Variants in GPC5 observed in about 807,000 individuals in gnomAD.
GPC5 encodes the protein glypican 5, also known as glypican-5.
In GPC5, 47 loss-of-function variants were observed where a neutral mutation model predicts 53.9. That is an observed-to-expected ratio of 0.87 (90% confidence interval 0.69 to 1.11). The LOEUF (loss-of-function observed/expected upper bound fraction) is 1.11, where lower values mean the gene tolerates loss of function less well. Ranked by LOEUF, GPC5 falls within the 50% of genes most tolerant of loss-of-function variation. The pLI is 0.00. For synonymous variants in GPC5, 286 were observed against 263.3 expected (o/e 1.09, Z -0.84); for missense variants, 748 against 713.1 (o/e 1.05, Z -0.56).
At chr13:92,544,385 T>C (rs1419237199) in intron 7 of GPC5, among the ~76,000 whole-genome samples, 1 of 152,202 alleles carries the variant, frequency 6.6e-6, no homozygotes. Context: ...TGGGGAATTG[T>C]CTCATAAAAA....
intron 6 of GPC5, among the ~76,000 whole-genome samples, chr13:92,089,501 AC>A (rs1483537774): frequency 7.8e-6 from 1 of 127,908 alleles, no homozygotes; most frequent in Admixed American, 8.7e-5. Flanking sequence ...TATTTCCCAC[AC>A]GGTTTTTTTA....
At chr13:91,745,495 C>T (rs1320831096) in intron 4 of GPC5, among the ~76,000 whole-genome samples, 2 of 152,020 alleles carry the variant, frequency 1.3e-5, no homozygotes, top group Non-Finnish European at 2.9e-5. Context: ...CCCTGTTGCT[C>T]CCCAACCTAC....
intron 7 of GPC5, among the ~76,000 whole-genome samples, chr13:92,720,741 T>G (rs1348359791): frequency 6.6e-6 from 1 of 152,110 alleles, no homozygotes; most frequent in Non-Finnish European, 1.5e-5. Context: ...TAGGGAAAAT[T>G]TTGAAATGTG....
At chr13:92,178,665 T>C (rs1188562908) in intron 7 of GPC5, among the ~76,000 whole-genome samples, 1 of 152,120 alleles carries the variant, frequency 6.6e-6, no homozygotes, top group Non-Finnish European at 1.5e-5. Flanking sequence ...ATAGGAATTT[T>C]AACATTTTCT....
intron 6 of GPC5, among the ~76,000 whole-genome samples, chr13:92,000,210 G>A (rs2040542187): frequency 2.0e-5 from 3 of 151,986 alleles, no homozygotes; most frequent in Admixed American, 1.3e-4. Flanking sequence ...CATATGCTTA[G>A]ACCAAAAGAG....
Position 92,253,940 on chromosome 13 carries a change from G to T in GPC5, c.1561+108951G>T, listed in dbSNP as rs1406754267. ...ACTGGAATGTCTATAGAGTGTCAGG[G>T]AACCACAACGGGTTCTATAGGAACT... is the stretch of plus-strand genomic sequence containing the variant. On this transcript the variant is annotated intron_variant, in intron 7 of 7. Transcript: ENST00000377067. Among the ~76,000 whole-genome samples, 3 of 152,066 alleles carry T rather than the reference G, an allele frequency of 2.0e-5. No homozygotes were observed. In the East Asian group the frequency reaches 5.8e-4, roughly 29 times the overall value.
intron 6 of GPC5, among the ~76,000 whole-genome samples, chr13:91,919,866 A>G (rs2039694395): frequency 6.6e-6 from 1 of 152,208 alleles, no homozygotes; most frequent in African/African-American, 2.4e-5. Flanking sequence ...GAATGCTGGC[A>G]TGCCAGTACA....
intron 4 of GPC5, among the ~76,000 whole-genome samples, chr13:91,732,471 T>C (rs540621861): frequency 5.3e-5 from 8 of 152,250 alleles, no homozygotes; most frequent in Admixed American, 3.3e-4. Flanking sequence ...ATTCTGTAAG[T>C]TGCCTTTTCA....
At chr13:91,578,328 A>G (rs778509381) in intron 2 of GPC5, among the ~76,000 whole-genome samples, 2 of 152,212 alleles carry the variant, frequency 1.3e-5, no homozygotes, top group African/African-American at 2.4e-5. Context: ...GCTGTGAGAT[A>G]ATATATATTC....
At chr13:91,810,630 T>C (rs1180496499) in intron 5 of GPC5, among the ~76,000 whole-genome samples, 2 of 151,944 alleles carry the variant, frequency 1.3e-5, no homozygotes, top group Non-Finnish European at 2.9e-5. Flanking sequence ...ATAACTATGA[T>C]GTGTCTCTCA....
intron 6 of GPC5, among the ~76,000 whole-genome samples, chr13:91,927,956 G>A (rs1301713689): frequency 1.3e-5 from 2 of 152,112 alleles, no homozygotes; most frequent in Non-Finnish European, 2.9e-5. Flanking sequence ...CATTCTTGAG[G>A]TATCTAAAAT....
At chr13:92,718,862 G>A (rs1888414392) in intron 7 of GPC5, among the ~76,000 whole-genome samples, 1 of 147,168 alleles carries the variant, frequency 6.8e-6, no homozygotes, top group South Asian at 2.2e-4. Context: ...CTGCACTCCA[G>A]CTTGGGCAAC....
intron 7 of GPC5, among the ~76,000 whole-genome samples, chr13:92,549,246 G>A (rs1046319869): frequency 6.6e-6 from 1 of 152,026 alleles, no homozygotes; most frequent in African/African-American, 2.4e-5. Flanking sequence ...AATAGGAAAG[G>A]GAACCATACC....
At chr13:91,426,220 G>A (rs1319445133) in intron 1 of GPC5, among the ~76,000 whole-genome samples, 1 of 151,924 alleles carries the variant, frequency 6.6e-6, no homozygotes, top group African/African-American at 2.4e-5. Context: ...CGGGGAAAAT[G>A]TCTCTACGGC....
intron 7 of GPC5, among the ~76,000 whole-genome samples, chr13:92,276,103 G>A (rs1383703835): frequency 1.3e-5 from 2 of 152,098 alleles, no homozygotes; most frequent in Non-Finnish European, 2.9e-5. Flanking sequence ...GGACCCATAT[G>A]GGAGGCATCA....
chr13:92,489,683 C>G (rs963415386), intron 7 of GPC5, among the ~76,000 whole-genome samples: 5 of 152,080 alleles, frequency 3.3e-5, no homozygotes, highest in Admixed American at 1.3e-4. Context: ...TATTAATTTA[C>G]TTTCTCCACA....
intron 7 of GPC5, among the ~76,000 whole-genome samples, chr13:92,816,180 C>T (rs1877465623): frequency 1.3e-5 from 2 of 151,970 alleles, no homozygotes; most frequent in Non-Finnish European, 2.9e-5. Context: ...CTCAATGTGT[C>T]TGTTATACAT....
intron 7 of GPC5, among the ~76,000 whole-genome samples, chr13:92,810,324 A>C (rs1199989127): frequency 1.3e-5 from 2 of 151,988 alleles, no homozygotes; most frequent in East Asian, 3.9e-4. Flanking sequence ...AGAATGATCT[A>C]TGTAAGTAAA....
intron 7 of GPC5, among the ~76,000 whole-genome samples, chr13:92,524,524 A>G (rs1881201145): frequency 6.6e-6 from 1 of 152,094 alleles, no homozygotes; most frequent in South Asian, 2.1e-4. Flanking sequence ...GCCAACTGCT[A>G]CTGATTTATG....
Sources: allele counts gnomAD v4.1 joint callset (sites outside exome capture counted in the v4.1 genomes callset), GRCh38; gene constraint gnomAD v4.1.1; transcripts MANE v1.5; gene names NCBI Gene and HGNC (gene_info 2026-07-23, HGNC 2026-07-21).